SLC39A11: variants seen among roughly 807,000 people sequenced by gnomAD.
SLC39A11 encodes the protein zinc transporter ZIP11.
In SLC39A11, 33 loss-of-function variants were observed where a neutral mutation model predicts 36.1. The observed-to-expected ratio is 0.91, with a 90% CI of 0.69 to 1.22. SLC39A11 has a LOEUF of 1.22. Among genes scored for constraint, SLC39A11 ranks in the 50% most tolerant of loss-of-function variants. The pLI is 0.00. For synonymous variants in SLC39A11, 166 were observed against 170.3 expected (o/e 0.97, Z 0.20); for missense variants, 432 against 430.3 (o/e 1.00, Z -0.03).
chr17:73,046,355 T>C (rs2059290443), intron 3 of SLC39A11, among the ~76,000 whole-genome samples: 1 of 152,010 alleles, frequency 6.6e-6, no homozygotes. Context: ...GATGCAGCAG[T>C]CTCCCATGCG....
chr17:72,962,637 T>C lies in SLC39A11; in HGVS notation c.307-14762A>G, dbSNP rs143783845. On this transcript the variant is annotated intron_variant, in intron 4 of 9. Coordinates refer to ENST00000255559, the MANE Select transcript of SLC39A11 (RefSeq NM_139177.4). ...CTGTAACCTCTGCCTCCCGAGTTCATGCAATTCTCCTGTCTCAGCTTCCCA... is the reference window on the plus strand; with the variant it reads ...CTGTAACCTCTGCCTCCCGAGTTCACGCAATTCTCCTGTCTCAGCTTCCCA... Among the ~76,000 whole-genome samples, 361 of 152,092 alleles carry C rather than the reference T, an allele frequency of 2.4e-3. 1 individual carries two copies. The highest frequency in any genetic ancestry group is 8.0e-3 in the African/African-American group (330 of 41,480).
chr17:73,042,699 G>C (rs1181416194), intron 3 of SLC39A11, among the ~76,000 whole-genome samples: 1 of 152,148 alleles, frequency 6.6e-6, no homozygotes, highest in African/African-American at 2.4e-5. Flanking sequence ...TACTTGGGAG[G>C]CTGAGGCAGT....
intron 4 of SLC39A11, among the ~76,000 whole-genome samples, chr17:72,994,678 A>T (rs1235533612): frequency 6.6e-6 from 1 of 152,192 alleles, no homozygotes; most frequent in Admixed American, 6.6e-5. Flanking sequence ...GCCTACTTTA[A>T]GTAGAAGGTT....
intron 5 of SLC39A11, among the ~76,000 whole-genome samples, chr17:72,900,044 G>C (rs56051809): frequency 7.7e-6 from 1 of 130,204 alleles, no homozygotes; most frequent in Non-Finnish European, 1.7e-5. Flanking sequence ...GAAAGAGAGA[G>C]AGAAAGAGAA....
chr17:72,984,160 T>TTTTG (rs2088538856), intron 4 of SLC39A11, among the ~76,000 whole-genome samples: 2 of 152,056 alleles, frequency 1.3e-5, no homozygotes, highest in South Asian at 4.1e-4. Flanking sequence ...ATTGCCACTA[T>TTTTG]CAGCAGCAAA....
At chr17:72,784,813 T>C (rs921780546) in intron 6 of SLC39A11, among the ~76,000 whole-genome samples, 11 of 151,920 alleles carry the variant, frequency 7.2e-5, no homozygotes, top group African/African-American at 2.7e-4. Context: ...ATGCTTCCTG[T>C]AAAGCCTGCA....
At chr17:72,884,460 T>C (rs2081356749) in intron 5 of SLC39A11, among the ~76,000 whole-genome samples, 1 of 152,268 alleles carries the variant, frequency 6.6e-6, no homozygotes, top group Non-Finnish European at 1.5e-5. Flanking sequence ...GCAGCAATTA[T>C]GACTACCTGG....
At chr17:73,065,437 A>G (rs76491345) in intron 3 of SLC39A11, among the ~76,000 whole-genome samples, 17,670 of 152,204 alleles carry the variant, frequency 0.12, 1,395 homozygotes, top group East Asian at 0.29. Flanking sequence ...CAATAAAGGT[A>G]ATACAAGAGC....
chr17:72,788,940 G>A (rs73998404), intron 6 of SLC39A11, among the ~76,000 whole-genome samples: 8,552 of 152,154 alleles, frequency 0.056, 339 homozygotes, highest in African/African-American at 0.11. Context: ...ATTATAGCAT[G>A]TTTTCTTTTG....
chr17:72,946,838 A>G (rs956564006), intron 5 of SLC39A11, among the ~76,000 whole-genome samples: 2 of 152,238 alleles, frequency 1.3e-5, no homozygotes, highest in Admixed American at 6.5e-5. Context: ...CTGGAAAACA[A>G]TGTATTGCAT....
chr17:73,021,944 C>T (rs1035992279), intron 4 of SLC39A11, among the ~76,000 whole-genome samples: 9 of 152,320 alleles, frequency 5.9e-5, no homozygotes, highest in African/African-American at 9.6e-5. Context: ...CCACGCAGTG[C>T]GTGTGTGTGT....
chr17:72,847,512 T>C (rs372942974), intron 6 of SLC39A11, among the ~76,000 whole-genome samples: 8 of 152,078 alleles, frequency 5.3e-5, no homozygotes, highest in African/African-American at 1.4e-4. Flanking sequence ...GATGAAAATG[T>C]TGGGAAAACT....
At position 73,089,488 on chromosome 17, in the gene SLC39A11, T is replaced by C. The variant is rs187303975; in HGVS notation, c.-11-713A>G. Reference sequence around the variant, plus strand: ...CCAGCCATCAGAACCCGGAGCACCCTCTGCAGCCCACATAATGCCAACCTC... The same window carrying C: ...CCAGCCATCAGAACCCGGAGCACCCCCTGCAGCCCACATAATGCCAACCTC... On this transcript the variant is annotated intron_variant, in intron 1 of 9. Coordinates refer to ENST00000255559, the MANE Select transcript of SLC39A11 (RefSeq NM_139177.4). Among the ~76,000 whole-genome samples, 260 of 152,262 alleles carry C rather than the reference T, an allele frequency of 1.7e-3. 3 individuals carry two copies. The highest frequency in any genetic ancestry group is 1.6e-3 in the Non-Finnish European group (107 of 68,024).
At chr17:72,697,469 AC>A (rs1400461889) in intron 7 of SLC39A11, among the ~76,000 whole-genome samples, 1 of 152,172 alleles carries the variant, frequency 6.6e-6, no homozygotes, top group Admixed American at 6.5e-5. Context: ...AAGATCAGGG[AC>A]AGAGGGTGGA....
chr17:72,780,869 C>A (rs544677588), intron 6 of SLC39A11, among the ~76,000 whole-genome samples: 6 of 152,242 alleles, frequency 3.9e-5, no homozygotes, highest in Non-Finnish European at 8.8e-5. Context: ...CGTCTGTAAT[C>A]CCAGCTACTT....
At chr17:72,801,621 T>G (rs918685550) in intron 6 of SLC39A11, among the ~76,000 whole-genome samples, 2 of 152,264 alleles carry the variant, frequency 1.3e-5, no homozygotes, top group African/African-American at 4.8e-5. Context: ...ATGGTTGAAC[T>G]GTATGGTATG....
intron 6 of SLC39A11, among the ~76,000 whole-genome samples, chr17:72,830,194 C>T (rs886495659): frequency 1.3e-5 from 2 of 152,192 alleles, no homozygotes; most frequent in Non-Finnish European, 2.9e-5. Flanking sequence ...ATTTAAACTC[C>T]CCACTGGGAA....
At chr17:72,997,167 T>C (rs1298012423) in intron 4 of SLC39A11, among the ~76,000 whole-genome samples, 2 of 152,028 alleles carry the variant, frequency 1.3e-5, no homozygotes, top group Admixed American at 1.3e-4. Context: ...GGGGTTGTCA[T>C]GCAGCAATAG....
intron 7 of SLC39A11, among the ~76,000 whole-genome samples, chr17:72,714,082 G>A (rs555745825): frequency 3.9e-5 from 6 of 152,290 alleles, no homozygotes; most frequent in Middle Eastern, 3.4e-3. Context: ...CAGGCCGGGC[G>A]CGGTGGCTAA....
Sources: allele counts gnomAD v4.1 joint callset (sites outside exome capture counted in the v4.1 genomes callset), GRCh38; gene constraint gnomAD v4.1.1; transcripts MANE v1.5; gene names NCBI Gene and HGNC (gene_info 2026-07-23, HGNC 2026-07-21).